The following DIP2C variants were observed in gnomAD, a reference collection of about 807,000 sequenced individuals.
DIP2C encodes DIP2 acetate--CoA ligase C (putative), also known as disco-interacting protein 2 homolog C.
DIP2C carries 33 observed loss-of-function variants against 192.4 expected under a neutral mutation model. That is an observed-to-expected ratio of 0.17 (90% CI 0.13 to 0.23). DIP2C has a LOEUF of 0.23. Ranked by LOEUF, DIP2C falls within the 10% of genes least tolerant of loss-of-function variation. The pLI, the probability that DIP2C is intolerant of heterozygous loss-of-function variation, is 1.00. For missense variants in DIP2C, 1,537 were observed against 2,110.1 expected (o/e 0.73, Z 5.32); for synonymous variants, 979 against 864.1 (o/e 1.13, Z -2.33).
rs371766635 is a variant in DIP2C at position 508,900 on chromosome 10, G to A, written c.86-22370C>T. On this transcript the variant is annotated intron_variant, in intron 1 of 36. Transcript: ENST00000280886. ...TGTTCCAACAGCAGTGCTGGAAGGC[G>A]GCCACTCTGACCCGACCGTCCACCT... 6.6e-5 allele frequency among the ~76,000 whole-genome samples: 10 copies of A among 152,072 alleles called. No homozygotes were observed. In the East Asian group the frequency reaches 1.2e-3, roughly 18 times the overall value.
chr10:574,254 T>C (rs531496112), intron 1 of DIP2C, among the ~76,000 whole-genome samples: 100 of 152,294 alleles, frequency 6.6e-4, no homozygotes, highest in Non-Finnish European at 1.3e-3. Context: ...TTCACAAAGA[T>C]TTTGCACAAT....
At chr10:448,345 G>A (rs867206855) in intron 3 of DIP2C, among the ~76,000 whole-genome samples, 28 of 135,378 alleles carry the variant, frequency 2.1e-4, no homozygotes, top group Middle Eastern at 4.2e-3. Context: ...CACACACAGT[G>A]GGGCAGCAGG....
intron 6 of DIP2C, among the ~76,000 whole-genome samples, chr10:418,429 T>C (rs890251225): frequency 1.3e-5 from 2 of 152,024 alleles, no homozygotes; most frequent in Admixed American, 6.5e-5. Flanking sequence ...CACAAGGGCA[T>C]TGTATTTCAC....
At chr10:491,997 CAG>C (rs943277850) in intron 1 of DIP2C, among the ~76,000 whole-genome samples, 14 of 152,140 alleles carry the variant, frequency 9.2e-5, no homozygotes, top group African/African-American at 2.9e-4. Context: ...CCCCAGAAAA[CAG>C]GGGCAAGAGG....
chr10:432,623 C>T (rs988255268), intron 4 of DIP2C, among the ~76,000 whole-genome samples: 17 of 152,182 alleles, frequency 1.1e-4, no homozygotes, highest in African/African-American at 2.4e-4. Context: ...CTGTTGGTTT[C>T]GTTGATTTTC....
chr10:600,837 AG>A (rs1166389316), intron 1 of DIP2C, among the ~76,000 whole-genome samples: 1 of 152,230 alleles, frequency 6.6e-6, no homozygotes, highest in Non-Finnish European at 1.5e-5. Flanking sequence ...CAACCATAAG[AG>A]AATCAGGTCT....
chr10:335,935 G>C (rs1398477397), intron 29 of DIP2C, among the ~76,000 whole-genome samples: 1 of 152,116 alleles, frequency 6.6e-6, no homozygotes, highest in Non-Finnish European at 1.5e-5. Flanking sequence ...GTCTCGCTCT[G>C]TCACCCAGGC....
At chr10:297,437 A>G (rs906248520) in intron 32 of DIP2C, among the ~76,000 whole-genome samples, 3 of 149,560 alleles carry the variant, frequency 2.0e-5, no homozygotes, top group Non-Finnish European at 4.5e-5. Flanking sequence ...GGAGTCCAAC[A>G]GCAGATGAAT....
chr10:576,016 G>A (rs1448081559), intron 1 of DIP2C, among the ~76,000 whole-genome samples: 2 of 152,182 alleles, frequency 1.3e-5, no homozygotes, highest in African/African-American at 4.8e-5. Flanking sequence ...TCCTGCTCCT[G>A]AGGCCACACC....
chr10:591,282 G>A (rs1007868557), intron 1 of DIP2C, among the ~76,000 whole-genome samples: 1 of 151,972 alleles, frequency 6.6e-6, no homozygotes, highest in African/African-American at 2.4e-5. Flanking sequence ...CCGCCACCAC[G>A]CCTGGCTAAT....
intron 1 of DIP2C, among the ~76,000 whole-genome samples, chr10:514,899 A>G (rs1418269231): frequency 6.6e-6 from 1 of 152,224 alleles, no homozygotes; most frequent in Non-Finnish European, 1.5e-5. Flanking sequence ...GGTGCCTGCA[A>G]TAACCTCATT....
intron 1 of DIP2C, among the ~76,000 whole-genome samples, chr10:542,102 C>T (rs991793742): frequency 3.3e-5 from 5 of 152,228 alleles, no homozygotes; most frequent in Non-Finnish European, 5.9e-5. Flanking sequence ...CAGAAGACCC[C>T]TCACCAACCC....
intron 14 of DIP2C, 116 bp downstream of exon 14, chr10:387,629 G>A: frequency 2.3e-6 from 2 of 876,388 alleles, no homozygotes; most frequent in Non-Finnish European, 3.9e-6. Flanking sequence ...CAGACAGTGT[G>A]GGGAGGGGAC....
At chr10:330,315 T>G (rs1176734253) in intron 29 of DIP2C, among the ~76,000 whole-genome samples, 1 of 151,822 alleles carries the variant, frequency 6.6e-6, no homozygotes. Flanking sequence ...ACCTTCATAC[T>G]AGAGAACAGA....
Position 282,561 on chromosome 10 carries a change from C to A in DIP2C, c.4294+711G>T, listed in dbSNP as rs183548024. 2.1e-3 allele frequency among the ~76,000 whole-genome samples: 325 copies of A among 152,328 alleles called. 1 individual carries two copies. The highest frequency in any genetic ancestry group is 6.8e-3 in the Middle Eastern group (2 of 294). The stretch of plus-strand genomic sequence containing the variant: ...TGCCACTGTTGTGAAACAGCCAAGT[C>A]CTGCCTCTATTTTTAGCAGAACTAA... On this transcript the variant is annotated intron_variant, in intron 35 of 36. Coordinates refer to ENST00000280886, the MANE Select transcript of DIP2C (RefSeq NM_014974.3).
chr10:512,426 A>G (rs528381845), intron 1 of DIP2C, among the ~76,000 whole-genome samples: 15 of 151,986 alleles, frequency 9.9e-5, no homozygotes, highest in Non-Finnish European at 1.9e-4. Context: ...AAAAATAAAA[A>G]ATTAGCTGGG....
rs1329210589 is a variant in DIP2C, at chr10:662,915, A to G, written c.85+26579T>C. ...TGGAAGAGGCGTGAACACTCTCGGG[A>G]GAGGTGGATGTACGCTAATGGTTCT... On this transcript the variant is annotated intron_variant, in intron 1 of 36. Transcript: ENST00000280886. 1.4e-5 allele frequency: 10 copies of G among 717,524 alleles called. No individual in the cohort carries two copies. The South Asian group carries it at 1.5e-4, about 11-fold the overall frequency. 44.4% of individuals were successfully genotyped at this position (717,524 alleles called of 1,614,324 possible). A position where few individuals can be genotyped will look rare whatever the true frequency, so the allele number is the denominator to read the frequency against.
At chr10:526,702 T>A (rs145755628) in intron 1 of DIP2C, among the ~76,000 whole-genome samples, 1 of 152,306 alleles carries the variant, frequency 6.6e-6, no homozygotes, top group Non-Finnish European at 1.5e-5. Context: ...ACTGGTGGCT[T>A]TAACTGCGCC....
At chr10:536,613 A>C (rs1015181539) in intron 1 of DIP2C, among the ~76,000 whole-genome samples, 2 of 152,222 alleles carry the variant, frequency 1.3e-5, no homozygotes, top group Admixed American at 1.3e-4. Flanking sequence ...TAATACCAGG[A>C]GCCGGACAGA....
Sources: gnomAD v4.1 joint callset for allele counts (sites outside exome capture counted in the v4.1 genomes callset) on GRCh38, gnomAD v4.1.1 for gene constraint, MANE v1.5 for transcripts, NCBI Gene and HGNC (gene_info 2026-07-23, HGNC 2026-07-21) for gene names.